The following LTBP1 variants were observed in gnomAD, a reference collection of about 807,000 sequenced individuals.
LTBP1 encodes the protein latent-transforming growth factor beta-binding protein 1.
In LTBP1, 129 loss-of-function variants were observed where a neutral mutation model predicts 207.6. The observed-to-expected ratio is 0.62, with a 90% CI of 0.54 to 0.72. LTBP1 has a LOEUF of 0.72. Ranked by LOEUF, LTBP1 falls within the 30% of genes least tolerant of loss-of-function variation. The pLI is 0.00. For synonymous variants in LTBP1, 963 were observed against 833.7 expected (o/e 1.16, Z -2.67); for missense variants, 2,281 against 2,217.2 (o/e 1.03, Z -0.58).
chr2:33,393,755 T>C (rs1365532057), intron 32 of LTBP1, among the ~76,000 whole-genome samples: 1 of 152,200 alleles, frequency 6.6e-6, no homozygotes, highest in South Asian at 2.1e-4. Flanking sequence ...TAAGCATACA[T>C]GTGCATGTGT....
chr2:32,986,646 C>T (rs1683626517), intron 2 of LTBP1, among the ~76,000 whole-genome samples: 1 of 152,162 alleles, frequency 6.6e-6, no homozygotes, highest in African/African-American at 2.4e-5. Flanking sequence ...CCCTTCTAAG[C>T]ACAGCACCTG....
chr2:33,228,290 C>T (rs1449099126), intron 9 of LTBP1, among the ~76,000 whole-genome samples: 1 of 152,166 alleles, frequency 6.6e-6, no homozygotes, highest in Non-Finnish European at 1.5e-5. Context: ...GTGCCAGATG[C>T]TTTGTTTAAT....
intron 24 of LTBP1, among the ~76,000 whole-genome samples, chr2:33,321,185 C>T (rs1338027779): frequency 6.8e-6 from 1 of 146,188 alleles, no homozygotes; most frequent in East Asian, 1.9e-4. Flanking sequence ...AAGAGGGCTT[C>T]TTGTCACATC....
intron 18 of LTBP1, among the ~76,000 whole-genome samples, chr2:33,277,819 T>TTCTCTCTCTCTCTCTCTCTCTCTCTC (rs1174472323): frequency 3.5e-5 from 3 of 86,860 alleles, no homozygotes; most frequent in Admixed American, 1.3e-4. Context: ...CTTTTTTTCT[T>TTCTCTCTCTCTCTCTCTCTCTCTCTC]TCTTTCTTTC....
intron 3 of LTBP1, among the ~76,000 whole-genome samples, chr2:33,086,706 A>G (rs2078773217): frequency 6.6e-6 from 1 of 152,110 alleles, no homozygotes; most frequent in Non-Finnish European, 1.5e-5. Flanking sequence ...TATCTTTAAT[A>G]CAATTGTTAT....
At chr2:33,383,931 C>A (rs1393667330) in intron 31 of LTBP1, among the ~76,000 whole-genome samples, 1 of 152,150 alleles carries the variant, frequency 6.6e-6, no homozygotes, top group Non-Finnish European at 1.5e-5. Context: ...CATTTTTAGC[C>A]CTGATGTGTG....
intron 5 of LTBP1, among the ~76,000 whole-genome samples, chr2:33,171,798 C>G (rs1286413294): frequency 6.6e-6 from 1 of 152,150 alleles, no homozygotes; most frequent in Non-Finnish European, 1.5e-5. Flanking sequence ...ATCAGACTAA[C>G]AGCGGATCTC....
At chr2:33,087,802 A>T (rs559554842) in intron 3 of LTBP1, among the ~76,000 whole-genome samples, 31 of 152,200 alleles carry the variant, frequency 2.0e-4, no homozygotes, top group Admixed American at 5.2e-4. Context: ...AGTTTTCGGA[A>T]ATGGAAATGA....
intron 5 of LTBP1, among the ~76,000 whole-genome samples, chr2:33,163,138 C>T (rs750200353): frequency 5.3e-5 from 8 of 152,126 alleles, no homozygotes; most frequent in East Asian, 1.9e-4. Context: ...CATGCCACCA[C>T]GCCTGGCTAA....
rs575093385 is a variant in LTBP1 at position 33,108,275 on chromosome 2, C to T, written c.864-2307C>T. 2.7e-5 allele frequency among the ~76,000 whole-genome samples: 4 copies of T among 150,496 alleles called. 1 individual carries two copies. Among genetic ancestry groups the T allele is most frequent in the African/African-American group, 9.8e-5 (4 of 40,794 alleles). On this transcript the variant is annotated intron_variant, in intron 3 of 33. Coordinates refer to ENST00000404816, the MANE Select transcript of LTBP1 (RefSeq NM_206943.4). ...GCCTGTGGGGTACCTGTGCACGCAC[C>T]TCATGGGGGGAAGCGGGAGAAGGTA...
At chr2:32,990,520 C>A (rs541198468) in intron 2 of LTBP1, among the ~76,000 whole-genome samples, 1 of 152,270 alleles carries the variant, frequency 6.6e-6, no homozygotes, top group Admixed American at 6.5e-5. Flanking sequence ...TCATATTATT[C>A]TTTAGTATTT....
chr2:33,055,307 T>G (rs1000396489), intron 3 of LTBP1, among the ~76,000 whole-genome samples: 2 of 152,192 alleles, frequency 1.3e-5, no homozygotes, highest in African/African-American at 4.8e-5. Context: ...TATGTTTTCT[T>G]AAGGCCTCCC....
chr2:33,279,354 T>G (rs2093510950), intron 18 of LTBP1, among the ~76,000 whole-genome samples: 2 of 152,220 alleles, frequency 1.3e-5, no homozygotes, highest in African/African-American at 4.8e-5. Flanking sequence ...GGAGATTTTT[T>G]TCTCCCCAAA....
chr2:33,084,698 A>G (rs910743268), intron 3 of LTBP1, among the ~76,000 whole-genome samples: 1 of 152,160 alleles, frequency 6.6e-6, no homozygotes, highest in Non-Finnish European at 1.5e-5. Context: ...ACAGGCACAC[A>G]TTGCTTTTAA....
Position 33,110,738 on chromosome 2 carries a change from G to A in LTBP1, c.1020G>A (p.Ala340=), listed in dbSNP as rs183318108. The A allele has an allele frequency of 2.1e-4, 346 of 1,613,774 alleles. 1 individual carries two copies. The East Asian group carries it at 3.6e-3, about 17-fold the overall frequency. The part of the protein sequence containing the change: ...FPLRYVQDQV[A]APFQLSNHTG... ...TAAGATATGTGCAGGATCAAGTTGCGGCACCTTTTCAGCGTGAGTATAGTC... is the reference window on the plus strand; with the variant it reads ...TAAGATATGTGCAGGATCAAGTTGCAGCACCTTTTCAGCGTGAGTATAGTC... The change falls in exon 4 of 34, where the codon GCG becomes GCA. Residue 340 remains alanine, a synonymous_variant. Coordinates refer to ENST00000404816, the MANE Select transcript of LTBP1 (RefSeq NM_206943.4).
chr2:33,040,791 G>A (rs546885168), intron 3 of LTBP1, among the ~76,000 whole-genome samples: 5 of 152,342 alleles, frequency 3.3e-5, no homozygotes, highest in African/African-American at 1.2e-4. Flanking sequence ...GCAGTGCAGG[G>A]TCACTTGCTT....
intron 3 of LTBP1, among the ~76,000 whole-genome samples, chr2:33,089,155 C>CA (rs61009791): frequency 0.016 from 1,569 of 96,320 alleles, 34 homozygotes; most frequent in African/African-American, 0.052. Flanking sequence ...GACTCAGTCT[C>CA]AAAAAAAAAA....
At chr2:33,167,643 C>A (rs17012632) in intron 5 of LTBP1, among the ~76,000 whole-genome samples, 45,546 of 152,102 alleles carry the variant, frequency 0.3, 7,036 homozygotes, top group Middle Eastern at 0.35. Flanking sequence ...GGTCATGCTT[C>A]AGCAGAGGTG....
chr2:33,086,895 T>A (rs958126576), intron 3 of LTBP1, among the ~76,000 whole-genome samples: 12 of 151,992 alleles, frequency 7.9e-5, no homozygotes, highest in East Asian at 1.9e-4. Context: ...TTATTTATTT[T>A]TTTTGGTGGA....
Sources: gnomAD v4.1 joint callset for allele counts (sites outside exome capture counted in the v4.1 genomes callset) on GRCh38, gnomAD v4.1.1 for gene constraint, MANE v1.5 for transcripts, NCBI Gene and HGNC (gene_info 2026-07-23, HGNC 2026-07-21) for gene names.